CTIF: variants seen among roughly 807,000 people sequenced by gnomAD.
CTIF encodes the protein CBP80/20-dependent translation initiation factor.
Under a neutral mutation model 66.0 loss-of-function variants are expected in CTIF, and 21 were observed. The ratio of observed to expected loss-of-function variants is 0.32; its 90% CI spans 0.23 to 0.46. The LOEUF is 0.46. Among genes scored for constraint, CTIF ranks in the 20% least tolerant of loss-of-function variants. The pLI is 1.00. For synonymous variants in CTIF, 345 were observed against 326.4 expected (o/e 1.06, Z -0.62); for missense variants, 739 against 812.7 (o/e 0.91, Z 1.10).
intron 3 of CTIF, among the ~76,000 whole-genome samples, chr18:48,640,988 C>G (rs1184486300): frequency 6.6e-6 from 1 of 152,304 alleles, no homozygotes; most frequent in South Asian, 2.1e-4. Context: ...TCAGAAGAGG[C>G]TGACCAGCTG....
intron 1 of CTIF, among the ~76,000 whole-genome samples, chr18:48,583,492 G>A (rs1170112960): frequency 1.3e-5 from 2 of 152,154 alleles, no homozygotes; most frequent in East Asian, 1.9e-4. Flanking sequence ...TATTTTTAGA[G>A]GGCGCCGATC....
intron 1 of CTIF, among the ~76,000 whole-genome samples, chr18:48,573,414 G>T (rs994045332): frequency 5.3e-5 from 8 of 152,166 alleles, no homozygotes; most frequent in African/African-American, 1.9e-4. Flanking sequence ...GGCTTACTTT[G>T]CAGGAAAAGA....
intron 6 of CTIF, among the ~76,000 whole-genome samples, chr18:48,701,867 A>G (rs1471626033): frequency 6.6e-6 from 1 of 152,218 alleles, no homozygotes; most frequent in Non-Finnish European, 1.5e-5. Context: ...CTTCCTGGAT[A>G]TAATAAGATC....
intron 6 of CTIF, among the ~76,000 whole-genome samples, chr18:48,711,193 C>T (rs1203098157): frequency 5.3e-5 from 8 of 152,174 alleles, no homozygotes. Flanking sequence ...AGAAGGGTAA[C>T]ATTCCCATTG....
chr18:48,618,882 T>C (rs959869590), intron 1 of CTIF, among the ~76,000 whole-genome samples: 5 of 152,218 alleles, frequency 3.3e-5, no homozygotes, highest in Non-Finnish European at 7.3e-5. Flanking sequence ...GCATAGACAA[T>C]GCAGCAAGCC....
At chr18:48,855,999 G>T (rs549870650) in intron 10 of CTIF, among the ~76,000 whole-genome samples, 1 of 152,208 alleles carries the variant, frequency 6.6e-6, no homozygotes, top group Non-Finnish European at 1.5e-5. Context: ...CGTGATGATC[G>T]ACATGGCAGG....
chr18:48,631,756 C>G (rs2090720134), intron 2 of CTIF, among the ~76,000 whole-genome samples: 1 of 152,140 alleles, frequency 6.6e-6, no homozygotes, highest in African/African-American at 2.4e-5. Flanking sequence ...CCATATCTAA[C>G]AAACTTCCCA....
chr18:48,659,120 A>C (rs1480658856), intron 3 of CTIF, among the ~76,000 whole-genome samples: 1 of 152,044 alleles, frequency 6.6e-6, no homozygotes, highest in Non-Finnish European at 1.5e-5. Flanking sequence ...GTTTGCCTTT[A>C]GTGGTTATAT....
intron 1 of CTIF, among the ~76,000 whole-genome samples, chr18:48,612,036 C>G (rs564376804): frequency 1.3e-5 from 2 of 152,202 alleles, no homozygotes; most frequent in East Asian, 1.9e-4. Flanking sequence ...AGGTCACATG[C>G]CTTCGACTTC....
chr18:48,563,169 C>T (rs1023115844), intron 1 of CTIF, among the ~76,000 whole-genome samples: 1 of 152,212 alleles, frequency 6.6e-6, no homozygotes, highest in Non-Finnish European at 1.5e-5. Flanking sequence ...GGCCCCTCCT[C>T]CACCCCCACC....
intron 6 of CTIF, among the ~76,000 whole-genome samples, chr18:48,683,514 C>T (rs1439137288): frequency 1.3e-5 from 2 of 151,546 alleles, no homozygotes; most frequent in African/African-American, 4.8e-5. Context: ...CAAGCCTTCA[C>T]CCCCCTTGCC....
chr18:48,792,542 A>G (rs2067816672), intron 9 of CTIF, among the ~76,000 whole-genome samples: 1 of 152,214 alleles, frequency 6.6e-6, no homozygotes, highest in East Asian at 1.9e-4. Flanking sequence ...TGAGCATAAA[A>G]GCAATGGATC....
chr18:48,635,527 A>G (rs886155676), intron 2 of CTIF, among the ~76,000 whole-genome samples: 2 of 151,782 alleles, frequency 1.3e-5, no homozygotes, highest in Admixed American at 6.6e-5. Context: ...AGGTGTCTCT[A>G]TGTTGCCCAG....
intron 9 of CTIF, among the ~76,000 whole-genome samples, chr18:48,776,141 T>C (rs555784933): frequency 1.3e-5 from 2 of 152,258 alleles, no homozygotes; most frequent in African/African-American, 2.4e-5. Flanking sequence ...CTGAGGCAGG[T>C]GGTGTGGCAC....
chr18:48,614,019 G>A (rs2090354677), intron 1 of CTIF, among the ~76,000 whole-genome samples: 2 of 152,202 alleles, frequency 1.3e-5, no homozygotes, highest in African/African-American at 4.8e-5. Context: ...GAGGAGGGGA[G>A]AGGCGTGTCT....
intron 3 of CTIF, among the ~76,000 whole-genome samples, chr18:48,649,654 T>A (rs1199831513): frequency 6.6e-6 from 1 of 152,242 alleles, no homozygotes; most frequent in Admixed American, 6.5e-5. Context: ...CCTCCTCAAG[T>A]GGGTCCCTGA....
chr18:48,653,953 T>A (rs2091201857), intron 3 of CTIF, among the ~76,000 whole-genome samples: 1 of 152,164 alleles, frequency 6.6e-6, no homozygotes, highest in Admixed American at 6.5e-5. Context: ...ATCCCTTCCT[T>A]ACACCTTATA....
intron 10 of CTIF, among the ~76,000 whole-genome samples, chr18:48,818,890 C>T (rs185230516): frequency 1.2e-4 from 18 of 152,134 alleles, no homozygotes; most frequent in Non-Finnish European, 2.4e-4. Flanking sequence ...AGTGTGGACA[C>T]GTCTTTCGAG....
At chr18:48,748,650 C>T (rs975840166) in intron 7 of CTIF, among the ~76,000 whole-genome samples, 2 of 152,176 alleles carry the variant, frequency 1.3e-5, no homozygotes, top group African/African-American at 4.8e-5. Context: ...CCCAGCTAGA[C>T]CAAGGCAAAA....
Sources: gnomAD v4.1 joint callset for allele counts (sites outside exome capture counted in the v4.1 genomes callset) on GRCh38, gnomAD v4.1.1 for gene constraint, MANE v1.5 for transcripts, NCBI Gene and HGNC (gene_info 2026-07-23, HGNC 2026-07-21) for gene names.